Variants in CFAP161 observed in about 807,000 individuals in gnomAD.
CFAP161 encodes the protein cilia and flagella associated protein 161.
CFAP161 carries 25 observed loss-of-function variants against 29.0 expected under a neutral mutation model. That is an observed-to-expected ratio of 0.86 (90% CI 0.63 to 1.20). CFAP161 has a LOEUF of 1.20. Ranked by LOEUF, CFAP161 falls within the 50% of genes most tolerant of loss-of-function variation. CFAP161 has a pLI of 0.00. For synonymous variants in CFAP161, 116 were observed against 137.4 expected (o/e 0.84, Z 1.09); for missense variants, 367 against 371.9 (o/e 0.99, Z 0.11).
At chr15:81,119,933 C>G (rs1034936504) in intron 1 of CFAP161, among the ~76,000 whole-genome samples, 2 of 151,972 alleles carry the variant, frequency 1.3e-5, no homozygotes, top group African/African-American at 2.4e-5. Flanking sequence ...AACAGAATCA[C>G]CAGTCACTAT....
rs1894522811 is a variant in CFAP161, at chr15:81,118,131, T to A, written c.-141-9459T>A. 3 of 525,896 alleles carry A rather than the reference T, an allele frequency of 5.7e-6. No individual in the cohort carries two copies. The South Asian group carries it at 5.8e-5, about 10-fold the overall frequency. 32.6% of individuals were successfully genotyped at this position (525,896 alleles called of 1,614,324 possible). On this transcript the variant is annotated intron_variant, in intron 1 of 4. Coordinates refer to the CFAP161 transcript ENST00000560091. ...CACTTAAGTTTAAATGTGTGAGATT[T>A]GGAAGTTTTTCTGCAGACATATTCA...
In CFAP161 at chr15:81,138,124, G is replaced by T; in HGVS notation, c.466G>T (p.Asp156Tyr). The change falls in exon 4 of 7, where the codon GAC becomes TAC. Residue 156 changes from aspartate to tyrosine, a missense_variant. Physicochemically the swap from Asp to Tyr is radical, Grantham distance 160. Transcript: ENST00000286732. ...DFCLGITGGF[D>Y]NKMLYLSSDH... ...TTGCCTGGGGATAACAGGAGGATTT[G>T]ACAACAAAATGGTGAGTTATCACTT... The T allele has an allele frequency of 6.2e-7, 1 of 1,610,868 alleles. No homozygotes were observed. Among genetic ancestry groups the T allele is most frequent in the South Asian group, 1.1e-5 (1 of 90,986 alleles).
rs761412468 is a variant in CFAP161 at position 81,147,915 on chromosome 15, C to A, written c.694C>A (p.Arg232=). ...CHTNRGLAAH[R]HLFLSTYFGK... ...CACAAATCGGGGACTGGCAGCCCACCGGCATCTTTTCTTAAGGTATTGTAT... is the reference window on the plus strand; with the variant it reads ...CACAAATCGGGGACTGGCAGCCCACAGGCATCTTTTCTTAAGGTATTGTAT... The change falls in exon 6 of 7, where the codon CGG becomes AGG. Residue 232 remains arginine (R), a synonymous_variant. Coordinates refer to ENST00000286732, the MANE Select transcript of CFAP161 (RefSeq NM_173528.4). 3.1e-6 allele frequency: 5 copies of A among 1,610,256 alleles called. No individual in the cohort carries two copies. The highest frequency in any genetic ancestry group is 2.2e-5 in the East Asian group (1 of 44,816).
In CFAP161 at chr15:81,135,283, A is replaced by T; in HGVS notation, c.83A>T (p.Asp28Val). Residue 28 changes from aspartate (D) to valine (V), a missense_variant, in exon 2 of 7, where the codon GAC (aspartate) becomes GTC (valine). Transcript: ENST00000286732. The stretch of plus-strand genomic sequence containing the variant: ...TTTTCTGTTTAGGAGCTCATGAAAG[A>T]CTTCTTAGAGAAGAGAGACAAGGGG... ...DVYLEEELMK[D>V]FLEKRDKGKL... 1 of 1,597,996 alleles carries T rather than the reference A, an allele frequency of 6.3e-7. No homozygotes were observed. The highest frequency in any genetic ancestry group is 1.1e-5 in the South Asian group (1 of 87,602).
intron 3 of CFAP161, among the ~76,000 whole-genome samples, chr15:81,137,532 G>A (rs995232414): frequency 1.1e-4 from 16 of 152,152 alleles, no homozygotes; most frequent in Admixed American, 1.0e-3. Flanking sequence ...GGAGGTGGAG[G>A]TTGCAGTGAG....
At chr15:81,138,874 T>C (rs1402421930) in intron 4 of CFAP161, among the ~76,000 whole-genome samples, 1 of 152,224 alleles carries the variant, frequency 6.6e-6, no homozygotes, top group Non-Finnish European at 1.5e-5. Context: ...AGAGGTTAAG[T>C]GATTTCTGAC....
chr15:81,127,003 G>T (rs141891151), intron 1 of CFAP161, among the ~76,000 whole-genome samples: 1 of 152,102 alleles, frequency 6.6e-6, no homozygotes. Context: ...AAGACCGTTC[G>T]AACTCTGAAT....
At chr15:81,127,548 T>G (rs1894656485) in intron 1 of CFAP161, 1 of 152,214 alleles carries the variant, frequency 6.6e-6, no homozygotes, top group Non-Finnish European at 1.5e-5. Context: ...AAAGTCTTTT[T>G]TCATCCCAAG....
In CFAP161 at chr15:81,138,075, A is replaced by G; in HGVS notation, c.417A>G (p.Gln139=). 1 of 1,612,354 alleles carries G rather than the reference A, an allele frequency of 6.2e-7. No homozygotes were observed. Among genetic ancestry groups the G allele is most frequent in the African/African-American group, 1.3e-5 (1 of 75,014 alleles). Residue 139 remains glutamine, a synonymous_variant, in exon 4 of 7, where the codon CAA becomes CAG. Coordinates refer to ENST00000286732, the MANE Select transcript of CFAP161 (RefSeq NM_173528.4). ...ILSVHRDATG[Q]VLRYGQDFCL... is the part of the protein sequence containing the mutation. ...GTGTACACAGAGATGCCACTGGTCAAGTCCTTAGATATGGGCAGGACTTTT... is the reference window on the plus strand; with the variant it reads ...GTGTACACAGAGATGCCACTGGTCAGGTCCTTAGATATGGGCAGGACTTTT...
At chr15:81,116,552 C>T (rs1894501366) in intron 1 of CFAP161, among the ~76,000 whole-genome samples, 1 of 152,226 alleles carries the variant, frequency 6.6e-6, no homozygotes, top group Non-Finnish European at 1.5e-5. Context: ...CCGCCTCAGC[C>T]TCCCAAAGTG....
chr15:81,124,110 T>G (rs887999457), intron 1 of CFAP161, among the ~76,000 whole-genome samples: 3 of 152,208 alleles, frequency 2.0e-5, no homozygotes, highest in African/African-American at 7.2e-5. Context: ...TATCCTTGTC[T>G]TGTGCCAGTT....
At chr15:81,123,853 A>G (rs183708205) in intron 1 of CFAP161, among the ~76,000 whole-genome samples, 9 of 152,158 alleles carry the variant, frequency 5.9e-5, no homozygotes, top group African/African-American at 2.2e-4. Flanking sequence ...TGTTGTTGGT[A>G]TATAGGAAGG....
In CFAP161 at chr15:81,135,261, TC is replaced by T; in HGVS notation, c.70-8del. ...TATTCAGGGCTACTTTTGTTGATTT[TC>T]TGTTTAGGAGCTCATGAAAGACTTC... On this transcript the variant is annotated splice_polypyrimidine_tract_variant and splice_region_variant and intron_variant, in intron 1 of 6. Coordinates refer to ENST00000286732, the MANE Select transcript of CFAP161 (RefSeq NM_173528.4). 1 of 1,566,214 alleles carries T rather than the reference TC, an allele frequency of 6.4e-7. No individual in the cohort carries two copies. Among genetic ancestry groups the T allele is most frequent in the Non-Finnish European group, 8.6e-7 (1 of 1,158,020 alleles).
At position 81,143,956 on chromosome 15, in the gene CFAP161, A is replaced by G. The variant is rs1040273907; in HGVS notation, c.636+136A>G. 6 of 981,106 alleles carry G rather than the reference A, an allele frequency of 6.1e-6. No individual in the cohort carries two copies. In the African/African-American group the frequency reaches 6.6e-5, roughly 11 times the overall value. 60.8% of individuals were successfully genotyped at this position (981,106 alleles called of 1,614,324 possible). A position where few individuals can be genotyped will look rare whatever the true frequency, so the allele number is the denominator to read the frequency against. On this transcript the variant is annotated intron_variant, in intron 5 of 6. Coordinates refer to ENST00000286732, the MANE Select transcript of CFAP161 (RefSeq NM_173528.4). ...CTTTTCTGTCTTTTTTTTTCCATTT[A>G]TAACACACAGACTTATAGCTCAAAT...
At chr15:81,114,317 A>T (rs975903879) in intron 1 of CFAP161, among the ~76,000 whole-genome samples, 1 of 152,236 alleles carries the variant, frequency 6.6e-6, no homozygotes, top group Non-Finnish European at 1.5e-5. Flanking sequence ...TAAAAAATGT[A>T]CATATCTTAA....
intron 1 of CFAP161, among the ~76,000 whole-genome samples, chr15:81,125,900 C>T (rs1488636059): frequency 1.3e-5 from 2 of 152,086 alleles, no homozygotes; most frequent in African/African-American, 2.4e-5. Context: ...GATGGAGTCT[C>T]GCTCTGTTGC....
intron 6 of CFAP161, 136 bp from the exon 7 acceptor site, chr15:81,148,202 G>T: frequency 1.1e-6 from 1 of 921,382 alleles, no homozygotes; most frequent in Non-Finnish European, 1.6e-6. Context: ...CTGCAAACAT[G>T]TCCCATTTTA....
intron 5 of CFAP161, among the ~76,000 whole-genome samples, chr15:81,145,272 T>C (rs41451246): frequency 0.02 from 2,972 of 152,316 alleles, 104 homozygotes; most frequent in African/African-American, 0.069. Flanking sequence ...AAACAGGCTT[T>C]ACAAATTATT....
At chr15:81,109,506 C>A (rs1490347211) in intron 1 of CFAP161, among the ~76,000 whole-genome samples, 1 of 152,130 alleles carries the variant, frequency 6.6e-6, no homozygotes, top group Non-Finnish European at 1.5e-5. Flanking sequence ...TGTATGTGCT[C>A]CAGCCTGGGC....
Sources: gnomAD v4.1 joint callset for allele counts (sites outside exome capture counted in the v4.1 genomes callset) on GRCh38, gnomAD v4.1.1 for gene constraint, MANE v1.5 for transcripts, NCBI Gene and HGNC (gene_info 2026-07-23, HGNC 2026-07-21) for gene names.